Variants in FER1L6 observed in about 807,000 individuals in gnomAD.
FER1L6 encodes fer-1-like protein 6.
A neutral mutation model predicts 219.2 loss-of-function variants in FER1L6; 177 were observed. The observed-to-expected ratio is 0.81, with a 90% CI of 0.71 to 0.91. FER1L6 has a LOEUF of 0.91. Among genes scored for constraint, FER1L6 ranks in the 40% least tolerant of loss-of-function variants. The pLI, the probability that FER1L6 is intolerant of heterozygous loss-of-function variation, is 0.00. For missense variants in FER1L6, 2,153 were observed against 2,259.9 expected (o/e 0.95, Z 0.96); for synonymous variants, 768 against 824.3 (o/e 0.93, Z 1.17).
intron 18 of FER1L6, among the ~76,000 whole-genome samples, chr8:124,032,499 G>C (rs1819013978): frequency 6.6e-6 from 1 of 152,026 alleles, no homozygotes; most frequent in African/African-American, 2.4e-5. Flanking sequence ...AGGCCAAAGG[G>C]GGGCAGATTG....
chr8:124,078,489 C>G (rs1011875785), intron 32 of FER1L6, among the ~76,000 whole-genome samples: 1 of 152,204 alleles, frequency 6.6e-6, no homozygotes, highest in African/African-American at 2.4e-5. Context: ...CCATGACATG[C>G]CTTTTCTTTT....
intron 11 of FER1L6, among the ~76,000 whole-genome samples, chr8:123,982,407 G>A (rs1816363083): frequency 6.6e-6 from 1 of 152,174 alleles, no homozygotes; most frequent in South Asian, 2.1e-4. Context: ...GGGAAGTTGG[G>A]AACTTATGTG....
intron 15 of FER1L6, among the ~76,000 whole-genome samples, chr8:124,016,868 G>T (rs1188001680): frequency 1.3e-5 from 2 of 152,006 alleles, no homozygotes; most frequent in Non-Finnish European, 2.9e-5. Context: ...TTTTTGAAGG[G>T]TAAGAATTCT....
intron 1 of FER1L6, among the ~76,000 whole-genome samples, chr8:123,893,825 C>T (rs1812693632): frequency 6.6e-6 from 1 of 152,146 alleles, no homozygotes; most frequent in Non-Finnish European, 1.5e-5. Flanking sequence ...CAGGTGGGTT[C>T]ATCTTGCTGT....
In FER1L6 at chr8:123,966,077, T is replaced by C; in HGVS notation, c.252+16T>C. On this transcript the variant is annotated intron_variant, in intron 4 of 40. Coordinates refer to ENST00000522917, the MANE Select transcript of FER1L6 (RefSeq NM_001039112.2). The stretch of plus-strand genomic sequence containing the variant: ...AAATTATCAAGTAAGTGATTGGCTC[T>C]TCCTGCCCAGCCTCCCCCAGTGCTT... The C allele has an allele frequency of 1.2e-6, 2 of 1,613,670 alleles. No individual in the cohort carries two copies. The highest frequency in any genetic ancestry group is 1.7e-6 in the Non-Finnish European group (2 of 1,179,776).
chr8:124,017,790 G>T (rs1010049471), intron 16 of FER1L6, 72 bp downstream of exon 16: 2 of 1,233,426 alleles, frequency 1.6e-6, no homozygotes, highest in Non-Finnish European at 2.3e-6. Flanking sequence ...ATAGGTCACA[G>T]ACCAAATGAG....
chr8:124,080,451 G>A (rs1344348306), intron 32 of FER1L6, among the ~76,000 whole-genome samples: 3 of 152,024 alleles, frequency 2.0e-5, no homozygotes, highest in African/African-American at 4.8e-5. Flanking sequence ...CCAAGTAGCT[G>A]GGACTACAGA....
At chr8:124,034,799 A>G (rs1819127735) in intron 18 of FER1L6, among the ~76,000 whole-genome samples, 1 of 152,208 alleles carries the variant, frequency 6.6e-6, no homozygotes, top group African/African-American at 2.4e-5. Flanking sequence ...GACAGTTGGA[A>G]GTTCCAGGAA....
chr8:123,852,471 CGTGTGTGTGT>C lies in FER1L6; in HGVS notation c.-8+319_-8+328del, dbSNP rs61303449. Among the ~76,000 whole-genome samples the C allele has an allele frequency of 9.4e-3, 1,312 of 139,980 alleles. 12 individuals are homozygous for C. Among genetic ancestry groups the C allele is most frequent in the East Asian group, 0.018 (85 of 4,710 alleles). The allele number at this position is 139,980 out of a possible 152,430, so 91.8% of individuals were successfully genotyped here. A position where few individuals can be genotyped will look rare whatever the true frequency, so the allele number is the denominator to read the frequency against. On this transcript the variant is annotated intron_variant, in intron 1 of 40. Coordinates refer to ENST00000522917, the MANE Select transcript of FER1L6 (RefSeq NM_001039112.2). The surrounding 1 kb of genome is among the most constrained non-coding windows in gnomAD (Gnocchi z 4.9). ...GCTTGAACTCCATGTTGTGAGCATG[CGTGTGTGTGT>C]GTGTGTGTGTGTGTGTGTGTGTGTG...
chr8:124,068,480 A>C (rs541599787), intron 28 of FER1L6, among the ~76,000 whole-genome samples: 1 of 152,342 alleles, frequency 6.6e-6, no homozygotes, highest in Admixed American at 6.5e-5. Flanking sequence ...ACAGAGCTAC[A>C]GTCCGTATCA....
Position 124,071,632 on chromosome 8 carries a change from G to A in FER1L6, c.4092+1G>A, listed in dbSNP as rs760075058. 1.9e-6 allele frequency: 3 copies of A among 1,611,920 alleles called. No homozygotes were observed. The highest frequency in any genetic ancestry group is 2.2e-5 in the South Asian group (2 of 90,866). On this transcript the variant is annotated splice_donor_variant, in intron 31 of 40. Transcript: ENST00000522917. LOFTEE classifies it high-confidence loss of function. ...GCTGATCAGAGTATACATTGTCGCG[G>A]TGAGCCATTCTTGTTTGCTCTGAGG...
At chr8:123,993,025 T>C (rs1203257204) in intron 12 of FER1L6, among the ~76,000 whole-genome samples, 1 of 152,256 alleles carries the variant, frequency 6.6e-6, no homozygotes, top group African/African-American at 2.4e-5. Context: ...TTGGAATTGA[T>C]ATCTAGTTTT....
chr8:124,118,467 G>T (rs1324741115), intron 39 of FER1L6, among the ~76,000 whole-genome samples: 1 of 152,208 alleles, frequency 6.6e-6, no homozygotes, highest in African/African-American at 2.4e-5. Context: ...AACTGACAGA[G>T]AAGACAGACT....
intron 22 of FER1L6, 23 bp from the exon 23 acceptor site, chr8:124,060,157 C>T: frequency 6.3e-7 from 1 of 1,583,278 alleles, no homozygotes; most frequent in South Asian, 1.1e-5. Flanking sequence ...CAGCATCTAA[C>T]TCATACTTGC....
At chr8:123,989,878 A>G (rs751711551) in intron 12 of FER1L6, among the ~76,000 whole-genome samples, 4 of 152,218 alleles carry the variant, frequency 2.6e-5, no homozygotes, top group Non-Finnish European at 5.9e-5. Flanking sequence ...AAACATAAAC[A>G]TGCAGGAGTC....
At chr8:123,943,724 C>A (rs1451788930) in intron 1 of FER1L6, among the ~76,000 whole-genome samples, 1 of 152,058 alleles carries the variant, frequency 6.6e-6, no homozygotes, top group Non-Finnish European at 1.5e-5. Flanking sequence ...TCTGTCCACA[C>A]CCTTTGCTGC....
intron 1 of FER1L6, among the ~76,000 whole-genome samples, chr8:123,897,076 A>G (rs1440207599): frequency 6.6e-6 from 1 of 152,156 alleles, no homozygotes; most frequent in Non-Finnish European, 1.5e-5. Flanking sequence ...CTCACATGTG[A>G]AAAGAGTAAA....
At chr8:123,915,990 T>C (rs1813177985) in intron 1 of FER1L6, among the ~76,000 whole-genome samples, 1 of 152,154 alleles carries the variant, frequency 6.6e-6, no homozygotes, top group Admixed American at 6.5e-5. Flanking sequence ...ATTTTGCTGG[T>C]AAATGCTTGG....
intron 6 of FER1L6, among the ~76,000 whole-genome samples, chr8:123,972,163 A>AC (rs1243500375): frequency 6.6e-6 from 1 of 152,220 alleles, no homozygotes; most frequent in Non-Finnish European, 1.5e-5. Context: ...GGCTGCCTGT[A>AC]CTTCACCTTG....
Sources: gnomAD v4.1 joint callset for allele counts (sites outside exome capture counted in the v4.1 genomes callset) on GRCh38, gnomAD v4.1.1 for gene constraint, Gnocchi (gnomAD v3.1) non-coding constraint, MANE v1.5 for transcripts, NCBI Gene and HGNC (gene_info 2026-07-23, HGNC 2026-07-21) for gene names.